Variants in ATG10 observed in about 807,000 individuals in gnomAD.
ATG10 encodes the protein ubiquitin-like-conjugating enzyme ATG10.
In ATG10, 30 loss-of-function variants were observed where a neutral mutation model predicts 32.1. That is an observed-to-expected ratio of 0.94 (90% confidence interval 0.70 to 1.27). ATG10 has a LOEUF of 1.27. Ranked by LOEUF, ATG10 falls within the 50% of genes most tolerant of loss-of-function variation. ATG10 has a pLI of 0.00. For synonymous variants in ATG10, 87 were observed against 91.5 expected (o/e 0.95, Z 0.28); for missense variants, 233 against 262.3 (o/e 0.89, Z 0.77).
At chr5:81,978,945 G>A (rs1276340266) in intron 1 of ATG10, among the ~76,000 whole-genome samples, 1 of 152,014 alleles carries the variant, frequency 6.6e-6, no homozygotes, top group East Asian at 1.9e-4. Context: ...TGTCGCCCAG[G>A]CTGGAGTGCA....
At chr5:81,979,616 C>G (rs941514407) in intron 1 of ATG10, among the ~76,000 whole-genome samples, 1 of 151,562 alleles carries the variant, frequency 6.6e-6, no homozygotes, top group Non-Finnish European at 1.5e-5. Context: ...AGACATTGCT[C>G]TATCATCTGG....
intron 3 of ATG10, among the ~76,000 whole-genome samples, chr5:82,138,540 T>C (rs772402188): frequency 1.3e-5 from 2 of 152,016 alleles, no homozygotes; most frequent in Non-Finnish European, 2.9e-5. Context: ...CCTTGCCCTG[T>C]GTGGGCTGCA....
rs146606461 is a variant in ATG10, at chr5:82,122,797, A to G, written c.217-41602A>G. ...TGATCATTAGAGAAATGCAAATCAA[A>G]ACCACAATGTGATACCATCTTACAC... is the stretch of plus-strand genomic sequence containing the variant. On this transcript the variant is annotated intron_variant, in intron 3 of 7. Coordinates refer to ENST00000282185, the MANE Select transcript of ATG10 (RefSeq NM_031482.5). 4.8e-3 allele frequency among the ~76,000 whole-genome samples: 727 copies of G among 152,334 alleles called. 4 individuals carry two copies. The highest frequency in any genetic ancestry group is 0.014 in the African/African-American group (575 of 41,580).
intron 5 of ATG10, among the ~76,000 whole-genome samples, chr5:82,227,195 C>T (rs994347496): frequency 2.0e-5 from 3 of 151,948 alleles, no homozygotes; most frequent in African/African-American, 4.8e-5. Context: ...TTTCCTTGTT[C>T]CCCTCCCCTT....
intron 2 of ATG10, among the ~76,000 whole-genome samples, chr5:82,039,468 A>G (rs1463785526): frequency 6.6e-6 from 1 of 152,100 alleles, no homozygotes; most frequent in Non-Finnish European, 1.5e-5. Context: ...AGAAAATAGA[A>G]ATGAATATTA....
intron 3 of ATG10, among the ~76,000 whole-genome samples, chr5:82,107,952 A>C (rs532743558): frequency 6.6e-6 from 1 of 152,160 alleles, no homozygotes; most frequent in South Asian, 2.1e-4. Context: ...GCATGAATGC[A>C]GGGTATACTT....
chr5:82,036,590 A>C (rs1762932416), intron 2 of ATG10, among the ~76,000 whole-genome samples: 1 of 152,166 alleles, frequency 6.6e-6, no homozygotes, highest in Non-Finnish European at 1.5e-5. Flanking sequence ...GTCAGACTCC[A>C]TTTCAAAAAA....
chr5:82,099,518 G>T (rs1235059000), intron 3 of ATG10, among the ~76,000 whole-genome samples: 2 of 152,016 alleles, frequency 1.3e-5, no homozygotes, highest in East Asian at 3.9e-4. Context: ...TACAGGAAAT[G>T]AATAGTGACA....
intron 2 of ATG10, chr5:82,009,946 C>G: frequency 6.2e-7 from 1 of 1,611,648 alleles, no homozygotes. Flanking sequence ...AAGCAGGAAC[C>G]CTTATAACCA....
intron 5 of ATG10, among the ~76,000 whole-genome samples, chr5:82,214,414 G>A (rs1745598907): frequency 6.6e-6 from 1 of 152,144 alleles, no homozygotes; most frequent in South Asian, 2.1e-4. Context: ...TAATTTAGTA[G>A]CAGCAAACGA....
chr5:81,981,301 G>C (rs1002957503), intron 1 of ATG10, among the ~76,000 whole-genome samples: 1 of 152,184 alleles, frequency 6.6e-6, no homozygotes, highest in African/African-American at 2.4e-5. Flanking sequence ...ATTATTTTGG[G>C]TCTTCAGAAT....
chr5:82,122,434 T>A (rs1581710340), intron 3 of ATG10, among the ~76,000 whole-genome samples: 1 of 152,204 alleles, frequency 6.6e-6, no homozygotes, highest in African/African-American at 2.4e-5. Context: ...GGAAATACCA[T>A]CCTGGACATA....
chr5:82,161,150 A>G (rs1743322727), intron 3 of ATG10, among the ~76,000 whole-genome samples: 1 of 152,198 alleles, frequency 6.6e-6, no homozygotes, highest in African/African-American at 2.4e-5. Context: ...GTGACCACAA[A>G]TGATGGAAAG....
At chr5:82,075,684 C>T (rs1465815871) in intron 3 of ATG10, among the ~76,000 whole-genome samples, 2 of 151,790 alleles carry the variant, frequency 1.3e-5, no homozygotes, top group Admixed American at 6.6e-5. Flanking sequence ...GCCTGTAATC[C>T]CAGCACTTTG....
intron 3 of ATG10, among the ~76,000 whole-genome samples, chr5:82,124,025 T>G (rs1766150314): frequency 6.6e-6 from 1 of 151,760 alleles, no homozygotes; most frequent in South Asian, 2.1e-4. Flanking sequence ...AATGGTGGAG[T>G]TAAAAATGGG....
rs575739826 is a variant in ATG10, at chr5:82,133,014, ATTTG to A, written c.217-31382_217-31379del. Among the ~76,000 whole-genome samples the A allele has an allele frequency of 3.4e-3, 521 of 152,072 alleles. 1 individual carries two copies. The highest frequency in any genetic ancestry group is 0.012 in the African/African-American group (481 of 41,510). ...AGTGATGATGAGCATTTTTTCATAT[ATTTG>A]TTGGCTGAATAAATGTATTCTTTTG... On this transcript the variant is annotated intron_variant, in intron 3 of 7. Transcript: ENST00000282185.
chr5:82,182,787 T>C (rs972213411), intron 5 of ATG10, among the ~76,000 whole-genome samples: 4 of 152,196 alleles, frequency 2.6e-5, no homozygotes, highest in African/African-American at 7.2e-5. Flanking sequence ...GGAAATGTTC[T>C]GGATCTTCAC....
At chr5:81,976,005 CTT>C (rs568050352) in intron 1 of ATG10, among the ~76,000 whole-genome samples, 13 of 142,904 alleles carry the variant, frequency 9.1e-5, no homozygotes, top group Admixed American at 1.4e-4. Context: ...TTTATTTTAT[CTT>C]TTTTTTTTTT....
At chr5:82,111,023 G>A (rs1001738732) in intron 3 of ATG10, among the ~76,000 whole-genome samples, 4 of 151,912 alleles carry the variant, frequency 2.6e-5, no homozygotes, top group African/African-American at 4.8e-5. Flanking sequence ...CAAGTTTAGA[G>A]TTATGGTTTT....
Sources: gnomAD v4.1 joint callset for allele counts (sites outside exome capture counted in the v4.1 genomes callset) on GRCh38, gnomAD v4.1.1 for gene constraint, MANE v1.5 for transcripts, NCBI Gene and HGNC (gene_info 2026-07-23, HGNC 2026-07-21) for gene names.